Variants in SANBR observed in about 807,000 individuals in gnomAD.
SANBR encodes the protein SANT and BTB domain regulator of CSR, also known as SANT and BTB domain regulator of class switch recombination.
SANBR carries 77 observed loss-of-function variants against 101.8 expected under a neutral mutation model. The observed-to-expected ratio is 0.76, with a 90% confidence interval of 0.63 to 0.91. The LOEUF (loss-of-function observed/expected upper bound fraction) is 0.91. SANBR is among the 40% of genes least tolerant of loss of function. The probability of loss-of-function intolerance (pLI) is 0.00; values close to 1 mark genes in which losing one functional copy is unlikely to be tolerated. For missense variants in SANBR, 875 were observed against 853.0 expected, an observed-to-expected ratio of 1.03 and a Z score of -0.32; for synonymous variants, 279 against 274.7, an observed-to-expected ratio of 1.02 and a Z score of -0.15.
At position 61,118,005 on chromosome 2, in the gene SANBR, G is replaced by A. The variant is rs775424602; in HGVS notation, c.1940-23G>A. On this transcript the variant is annotated intron_variant, in intron 19 of 21. Coordinates refer to ENST00000402291, the MANE Select transcript of SANBR (RefSeq NM_001129993.3). ...ATATATCATCCTTATGAAAAGTAAAGTTTACTGTTTTTTTCCCTTCAGATC... is the reference window on the plus strand; with the variant it reads ...ATATATCATCCTTATGAAAAGTAAAATTTACTGTTTTTTTCCCTTCAGATC... 20 of 1,578,698 alleles carry A rather than the reference G, an allele frequency of 1.3e-5. No individual in the cohort carries two copies. In the South Asian group the frequency reaches 1.9e-4, roughly 15 times the overall value.
At chr2:61,077,392 G>A (rs2104860420) in intron 6 of SANBR, among the ~76,000 whole-genome samples, 1 of 152,220 alleles carries the variant, frequency 6.6e-6, no homozygotes, top group South Asian at 2.1e-4. Flanking sequence ...ATGGACCAGT[G>A]GGATACTAGG....
rs749385413 is a variant in SANBR, at chr2:61,083,222, C to A, written c.798C>A (p.Asn266Lys). The change falls in exon 8 of 22, where the codon AAC becomes AAA. Residue 266 changes from asparagine (N) to lysine (K), a missense_variant. Coordinates refer to ENST00000402291, the MANE Select transcript of SANBR (RefSeq NM_001129993.3). ...TAGTAGCTACCCCATGCAACATGAA[C>A]TGTATTAATGCAAATCTTCTCACAC... ...NAIVATPCNM[N>K]CINANLLTRI... The A allele has an allele frequency of 1.9e-6, 3 of 1,610,640 alleles. No homozygotes were observed. Among genetic ancestry groups the A allele is most frequent in the African/African-American group, 2.7e-5 (2 of 74,940 alleles).
chr2:61,081,347 A>G, intron 6 of SANBR, 105 bp from the exon 7 acceptor site: 1 of 1,118,356 alleles, frequency 8.9e-7, no homozygotes, highest in Non-Finnish European at 1.3e-6. Context: ...ATTGTATTAA[A>G]TTATTCTTAT....
intron 20 of SANBR, chr2:61,134,074 G>C (rs1048180316): frequency 5.1e-5 from 81 of 1,588,514 alleles, no homozygotes; most frequent in Non-Finnish European, 6.7e-5. Flanking sequence ...ATCTCTTCTT[G>C]TGTTTGCCTG....
intron 15 of SANBR, 139 bp downstream of exon 15, chr2:61,108,488 C>T (rs976446264): frequency 1.8e-6 from 1 of 543,704 alleles, no homozygotes; most frequent in Middle Eastern, 4.9e-4. Flanking sequence ...TCCTATTTTG[C>T]ACTTAAGTAA....
intron 20 of SANBR, among the ~76,000 whole-genome samples, chr2:61,120,798 C>G (rs774162086): frequency 2.4e-4 from 36 of 152,164 alleles, no homozygotes; most frequent in Non-Finnish European, 4.9e-4. Context: ...AAGCTAGATT[C>G]AAGTGGCTAC....
intron 16 of SANBR, among the ~76,000 whole-genome samples, chr2:61,113,648 G>C (rs139587512): frequency 1.8e-4 from 27 of 152,286 alleles, no homozygotes; most frequent in African/African-American, 5.3e-4. Flanking sequence ...TACAATTGAT[G>C]TTTGTATATT....
At chr2:61,106,525 G>A (rs1209406080) in intron 13 of SANBR, 38 bp from the exon 14 acceptor site, 10 of 1,365,992 alleles carry the variant, frequency 7.3e-6, no homozygotes, top group Non-Finnish European at 1.0e-5. Flanking sequence ...TTTTAAGAAA[G>A]TAAACTCTTC....
intron 12 of SANBR, among the ~76,000 whole-genome samples, chr2:61,099,696 G>T (rs1683196694): frequency 6.6e-6 from 1 of 152,238 alleles, no homozygotes; most frequent in Non-Finnish European, 1.5e-5. Context: ...ATAGGTGAGT[G>T]TATGAAGAGC....
chr2:61,088,441 G>C lies in SANBR; in HGVS notation c.1061G>C (p.Arg354Pro). Residue 354 changes from arginine to proline, a missense_variant, in exon 10 of 22, where the codon CGT becomes CCT. Arg to Pro is a moderately radical substitution (Grantham distance 103). Transcript: ENST00000402291. ...CCTGGAAAAATCAATGTGGATCGAC[G>C]TGGAAATATTGTCTATATTCACATA... The part of the protein sequence containing the change: ...CIPGKINVDR[R>P]GNIVYIHIRD... The C allele has an allele frequency of 6.2e-7, 1 of 1,607,782 alleles. No individual in the cohort carries two copies. Among genetic ancestry groups the C allele is most frequent in the Non-Finnish European group, 8.5e-7 (1 of 1,176,794 alleles).
intron 21 of SANBR, among the ~76,000 whole-genome samples, chr2:61,137,031 A>T (rs1451136087): frequency 1.3e-5 from 2 of 152,048 alleles, no homozygotes; most frequent in Non-Finnish European, 2.9e-5. Flanking sequence ...TCACACCTGT[A>T]ATCCCAACAC....
chr2:61,130,929 CAAAAAAAAAAAAAA>C (rs59171411), intron 20 of SANBR, among the ~76,000 whole-genome samples: 17 of 13,232 alleles, frequency 1.3e-3, no homozygotes, highest in Admixed American at 4.7e-3. Context: ...GACTCTGTCT[CAAAAAAAAAAAAAA>C]AAAAAAAAAA....
downstream of SANBR, among the ~76,000 whole-genome samples, chr2:61,127,802 G>A (rs569948422): frequency 3.3e-5 from 5 of 152,198 alleles, no homozygotes; most frequent in African/African-American, 1.2e-4. Flanking sequence ...GAGAAAGGAA[G>A]ATAAAAAAAT....
intron 21 of SANBR, among the ~76,000 whole-genome samples, chr2:61,136,258 C>A (rs1325356808): frequency 6.9e-6 from 1 of 145,018 alleles, no homozygotes; most frequent in Non-Finnish European, 1.5e-5. Context: ...GAGCCAAGAT[C>A]GCACCACTGT....
chr2:61,083,745 T>A (rs1404483108), intron 8 of SANBR, among the ~76,000 whole-genome samples: 1 of 151,486 alleles, frequency 6.6e-6, no homozygotes, highest in Non-Finnish European at 1.5e-5. Context: ...GGCAGGCGCC[T>A]GTAGTCCCAG....
rs563550722 is a variant in SANBR at position 61,090,252 on chromosome 2, G to T, written c.1088+1784G>T. Reference sequence around the variant, plus strand: ...ACCTTTCAGTGATAGTATTACAGATGATTTTAATTTTCTTTTTGTTGTTCT... The same window carrying T: ...ACCTTTCAGTGATAGTATTACAGATTATTTTAATTTTCTTTTTGTTGTTCT... On this transcript the variant is annotated intron_variant, in intron 10 of 21. Coordinates refer to ENST00000402291, the MANE Select transcript of SANBR (RefSeq NM_001129993.3). Among the ~76,000 whole-genome samples the T allele has an allele frequency of 7.9e-5, 12 of 152,204 alleles. No homozygotes were observed. In the South Asian group the frequency reaches 2.3e-3, roughly 29 times the overall value.
intron 16 of SANBR, among the ~76,000 whole-genome samples, chr2:61,110,337 A>C (rs1683769946): frequency 6.6e-6 from 1 of 152,168 alleles, no homozygotes; most frequent in African/African-American, 2.4e-5. Flanking sequence ...TGAGGTCAGG[A>C]GTTCGAGAGC....
At chr2:61,088,920 T>G in intron 10 of SANBR, 1 of 911,832 alleles carries the variant, frequency 1.1e-6, no homozygotes, top group Non-Finnish European at 1.3e-6. Context: ...CAACTTTCAT[T>G]TAGAAAAATA....
At chr2:61,136,006 G>A (rs1684827717) in intron 21 of SANBR, among the ~76,000 whole-genome samples, 1 of 152,170 alleles carries the variant, frequency 6.6e-6, no homozygotes. Context: ...AAAGTTTAAA[G>A]AGTCTAAAAA....
Sources: gnomAD v4.1 joint callset for allele counts (sites outside exome capture counted in the v4.1 genomes callset) on GRCh38, gnomAD v4.1.1 for gene constraint, MANE v1.5 for transcripts, NCBI Gene and HGNC (gene_info 2026-07-23, HGNC 2026-07-21) for gene names.